EIF4G3: variants seen among roughly 807,000 people sequenced by gnomAD.
The protein encoded by EIF4G3 is eukaryotic translation initiation factor 4 gamma 3.
In EIF4G3, 34 loss-of-function variants were observed where a neutral mutation model predicts 186.4. That is an observed-to-expected ratio of 0.18 (90% CI 0.14 to 0.24). The LOEUF is 0.24. EIF4G3 is among the 10% of genes least tolerant of loss of function. EIF4G3 has a pLI of 1.00. For missense variants in EIF4G3, 1,536 were observed against 1,948.5 expected, an observed-to-expected ratio of 0.79 and a Z score of 3.99; for synonymous variants, 673 against 679.5, an observed-to-expected ratio of 0.99 and a Z score of 0.15.
chr1:21,139,501 T>A (rs1160696052), intron 2 of EIF4G3, among the ~76,000 whole-genome samples: 1 of 151,994 alleles, frequency 6.6e-6, no homozygotes, highest in Non-Finnish European at 1.5e-5. Context: ...AATCCAACAA[T>A]CAGCATCATG....
chr1:21,024,166 T>G (rs1571215103), intron 4 of EIF4G3, among the ~76,000 whole-genome samples: 1 of 143,018 alleles, frequency 7.0e-6, no homozygotes, highest in South Asian at 2.3e-4. Context: ...GGGAGGGAGG[T>G]GGGGGGGGGT....
rs1247889391 is a variant in EIF4G3, at chr1:20,942,237, G to A, written c.917C>T (p.Thr306Ile). ...SGEKKEQEGQ[T>I]SETTAIVSIA... ...GGATACTATTGCAGTAGTTTCAGAT[G>A]TCTGGCCTTCTTGTTCTTTCTTCTC... Residue 306 changes from threonine to isoleucine, a missense_variant, in exon 14 of 37, where the codon ACA (threonine) becomes ATA (isoleucine). By Grantham distance (89) the Thr-to-Ile change is moderately conservative. This residue lies in a region of EIF4G3 where 560 missense variants were observed against 547.8 expected (regional missense o/e 1.02). Coordinates refer to ENST00000602326, the MANE Select transcript of EIF4G3 (RefSeq NM_001391906.1). 2.5e-6 allele frequency: 4 copies of A among 1,614,162 alleles called. No individual in the cohort carries two copies.
chr1:20,869,747 C>T (rs2078632886), intron 20 of EIF4G3, among the ~76,000 whole-genome samples: 1 of 141,462 alleles, frequency 7.1e-6, no homozygotes, highest in Admixed American at 7.4e-5. Context: ...TGCACTCTAG[C>T]CTGGGTGAAA....
intron 4 of EIF4G3, among the ~76,000 whole-genome samples, chr1:21,041,637 A>G (rs2093586413): frequency 6.6e-6 from 1 of 152,244 alleles, no homozygotes; most frequent in Non-Finnish European, 1.5e-5. Context: ...AACTGGAGAA[A>G]CACTGGCAGT....
intron 2 of EIF4G3, among the ~76,000 whole-genome samples, chr1:21,133,601 T>C (rs1474537943): frequency 6.6e-6 from 1 of 152,214 alleles, no homozygotes. Flanking sequence ...AGAGTGAAGA[T>C]GCAACTATCA....
At chr1:20,970,901 T>C (rs1202351952) in intron 11 of EIF4G3, among the ~76,000 whole-genome samples, 1 of 151,716 alleles carries the variant, frequency 6.6e-6, no homozygotes, top group Non-Finnish European at 1.5e-5. Context: ...GAGGCGGAGG[T>C]TGCAGTGAGC....
intron 4 of EIF4G3, among the ~76,000 whole-genome samples, chr1:21,041,871 C>G (rs979556038): frequency 1.3e-5 from 2 of 151,744 alleles, no homozygotes; most frequent in African/African-American, 4.8e-5. Flanking sequence ...CTTAGCCCTT[C>G]GTGTTACATT....
chr1:20,837,486 G>A (rs1024527141), intron 30 of EIF4G3, among the ~76,000 whole-genome samples: 1 of 152,172 alleles, frequency 6.6e-6, no homozygotes, highest in Non-Finnish European at 1.5e-5. Context: ...TTACAGGCGT[G>A]AGCCACCGCG....
In EIF4G3 at chr1:20,849,541, G is replaced by A; in HGVS notation, c.3773-11C>T. On this transcript the variant is annotated splice_polypyrimidine_tract_variant and intron_variant, in intron 28 of 36. Transcript: ENST00000602326. ...AAATTTCTGGTTTTGCTATTAGTGA[G>A]GCCCCCCAAAAAAAGTAAAAATAAT... 3 of 1,400,184 alleles carry A rather than the reference G, an allele frequency of 2.1e-6. No individual in the cohort carries two copies. Among genetic ancestry groups the A allele is most frequent in the East Asian group, 2.5e-5 (1 of 39,652 alleles). The allele number at this position is 1,400,184 out of a possible 1,614,324, so 86.7% of individuals were successfully genotyped here. A position where few individuals can be genotyped will look rare whatever the true frequency, so the allele number is the denominator to read the frequency against.
intron 20 of EIF4G3, among the ~76,000 whole-genome samples, chr1:20,869,615 A>G (rs1327410189): frequency 6.6e-6 from 1 of 151,952 alleles, no homozygotes; most frequent in Non-Finnish European, 1.5e-5. Flanking sequence ...CTCTACTAAA[A>G]ATACAAAAAA....
At chr1:20,961,971 A>G (rs985763892) in intron 12 of EIF4G3, among the ~76,000 whole-genome samples, 7 of 152,262 alleles carry the variant, frequency 4.6e-5, no homozygotes, top group Non-Finnish European at 8.8e-5. Flanking sequence ...TATGACTGAG[A>G]TGACAAAATG....
chr1:21,009,469 C>T (rs930904148), intron 4 of EIF4G3, among the ~76,000 whole-genome samples: 3 of 152,122 alleles, frequency 2.0e-5, no homozygotes, highest in Non-Finnish European at 4.4e-5. Flanking sequence ...GGGTGAGCCA[C>T]CACATCCAGC....
chr1:20,812,538 C>T (rs1301243699), intron 35 of EIF4G3, among the ~76,000 whole-genome samples: 1 of 151,802 alleles, frequency 6.6e-6, no homozygotes, highest in African/African-American at 2.4e-5. Context: ...ATTTTTTTTT[C>T]TCGCTTCAGT....
At position 20,950,296 on chromosome 1, in the gene EIF4G3, TAAAG is replaced by T. The variant is rs527911135; in HGVS notation, c.715-189_715-186del. ...AAAGTACATGGGAAGTCAGGGAAGA[TAAAG>T]AAAGAGGCAGCAGAAAAAGAGGAAG... is the stretch of plus-strand genomic sequence containing the variant. On this transcript the variant is annotated intron_variant, in intron 12 of 36. Transcript: ENST00000602326. Among the ~76,000 whole-genome samples, 159 of 151,994 alleles carry T rather than the reference TAAAG, an allele frequency of 1.0e-3. 1 individual carries two copies. The highest frequency in any genetic ancestry group is 3.7e-3 in the African/African-American group (155 of 41,430).
intron 2 of EIF4G3, among the ~76,000 whole-genome samples, chr1:21,123,416 T>C (rs1232544625): frequency 3.3e-5 from 5 of 151,696 alleles, no homozygotes; most frequent in African/African-American, 9.7e-5. Context: ...TACAAAAAAT[T>C]AGCTGGCTTT....
chr1:20,913,277 C>T (rs929320590), intron 14 of EIF4G3, among the ~76,000 whole-genome samples: 1 of 152,274 alleles, frequency 6.6e-6, no homozygotes, highest in South Asian at 2.1e-4. Context: ...CTATCAAAAA[C>T]AGCCATTTCA....
chr1:21,080,685 T>C (rs1378222649), intron 3 of EIF4G3, among the ~76,000 whole-genome samples: 1 of 152,040 alleles, frequency 6.6e-6, no homozygotes, highest in Non-Finnish European at 1.5e-5. Context: ...AATTTTTGTA[T>C]TTTTAGTAGA....
chr1:21,079,595 T>G (rs7543126), intron 3 of EIF4G3, among the ~76,000 whole-genome samples: 60,743 of 148,960 alleles, frequency 0.41, 12,582 homozygotes, highest in Non-Finnish European at 0.43. Context: ...AAGGCAAGAG[T>G]ATCTCTTGAG....
chr1:21,124,328 G>T (rs1365049071), intron 2 of EIF4G3, among the ~76,000 whole-genome samples: 1 of 151,896 alleles, frequency 6.6e-6, no homozygotes, highest in Non-Finnish European at 1.5e-5. Flanking sequence ...AAGCTTTCAA[G>T]AAATGTCCTT....
Sources: gnomAD v4.1 joint callset for allele counts (sites outside exome capture counted in the v4.1 genomes callset) on GRCh38, gnomAD v4.1.1 for gene constraint, gnomAD v4.1.1 regional missense constraint, MANE v1.5 for transcripts, NCBI Gene and HGNC (gene_info 2026-07-23, HGNC 2026-07-21) for gene names.